Variants in DSCAM observed in about 807,000 individuals in gnomAD.
The protein encoded by DSCAM is DS cell adhesion molecule.
DSCAM carries 47 observed loss-of-function variants against 217.7 expected under a neutral mutation model. That is an observed-to-expected ratio of 0.22 (90% CI 0.17 to 0.28). The LOEUF (loss-of-function observed/expected upper bound fraction) is 0.28. Among genes scored for constraint, DSCAM ranks in the 10% least tolerant of loss-of-function variants. The pLI, the probability that DSCAM is intolerant of heterozygous loss-of-function variation, is 1.00. For missense variants in DSCAM, 2,080 were observed against 2,618.3 expected, an observed-to-expected ratio of 0.79 and a Z score of 4.49; for synonymous variants, 1,056 against 1,015.3, an observed-to-expected ratio of 1.04 and a Z score of -0.76.
intron 3 of DSCAM, among the ~76,000 whole-genome samples, chr21:40,593,479 C>A (rs2076998791): frequency 6.6e-6 from 1 of 152,106 alleles, no homozygotes; most frequent in Admixed American, 6.5e-5. Flanking sequence ...GCATGCTCCA[C>A]CACAACTGGT....
At chr21:40,160,441 C>G (rs1397532585) in intron 16 of DSCAM, among the ~76,000 whole-genome samples, 2 of 152,078 alleles carry the variant, frequency 1.3e-5, no homozygotes, top group Non-Finnish European at 2.9e-5. Flanking sequence ...TTTACATGTA[C>G]TTTTCAGTTT....
chr21:40,687,788 A>G (rs190201225), intron 3 of DSCAM, among the ~76,000 whole-genome samples: 1 of 152,290 alleles, frequency 6.6e-6, no homozygotes, highest in East Asian at 1.9e-4. Context: ...CTACTGCAGC[A>G]CTTAACACCC....
intron 1 of DSCAM, among the ~76,000 whole-genome samples, chr21:40,842,112 A>C (rs983730998): frequency 1.3e-5 from 2 of 152,118 alleles, no homozygotes; most frequent in Non-Finnish European, 2.9e-5. Context: ...TGGCTGCAAG[A>C]GTCTTGTGAG....
At chr21:40,255,892 A>G (rs1191715875) in intron 11 of DSCAM, among the ~76,000 whole-genome samples, 3 of 152,228 alleles carry the variant, frequency 2.0e-5, no homozygotes, top group Non-Finnish European at 4.4e-5. Context: ...ATTCTCTCCC[A>G]GGTCCTCCAG....
At chr21:40,526,083 T>G (rs981244053) in intron 3 of DSCAM, among the ~76,000 whole-genome samples, 2 of 152,170 alleles carry the variant, frequency 1.3e-5, no homozygotes, top group Non-Finnish European at 2.9e-5. Flanking sequence ...GGATACTTTC[T>G]GGGCCTGCCT....
At chr21:40,644,195 G>A (rs2205138) in intron 3 of DSCAM, among the ~76,000 whole-genome samples, 86,182 of 152,038 alleles carry the variant, frequency 0.57, 25,002 homozygotes, top group East Asian at 0.68. Flanking sequence ...AATGCTTTCT[G>A]AATGGATGGG....
At chr21:40,263,531 G>A (rs576694341) in intron 11 of DSCAM, among the ~76,000 whole-genome samples, 5 of 152,088 alleles carry the variant, frequency 3.3e-5, no homozygotes, top group African/African-American at 9.7e-5. Context: ...TGTGACACAA[G>A]TTATCAAAAT....
intron 8 of DSCAM, among the ~76,000 whole-genome samples, chr21:40,325,651 C>T (rs1353400247): frequency 6.6e-6 from 1 of 152,084 alleles, no homozygotes; most frequent in Non-Finnish European, 1.5e-5. Flanking sequence ...AGATGAAATC[C>T]TCAGACATCT....
chr21:40,117,277 C>T (rs1360427120), intron 20 of DSCAM, among the ~76,000 whole-genome samples: 2 of 152,162 alleles, frequency 1.3e-5, no homozygotes, highest in African/African-American at 4.8e-5. Flanking sequence ...CAGCACAATA[C>T]CAGGTTTGCC....
At chr21:40,436,349 T>C (rs1195371505) in intron 3 of DSCAM, among the ~76,000 whole-genome samples, 2 of 152,200 alleles carry the variant, frequency 1.3e-5, no homozygotes, top group East Asian at 3.8e-4. Flanking sequence ...ACTTGAACAG[T>C]ATTTTCGGGT....
chr21:40,737,579 T>C (rs1255742195), intron 1 of DSCAM, among the ~76,000 whole-genome samples: 1 of 152,178 alleles, frequency 6.6e-6, no homozygotes, highest in African/African-American at 2.4e-5. Flanking sequence ...GGGCAAAGGT[T>C]GCAGTGAGCC....
chr21:40,583,176 T>C (rs574192594), intron 3 of DSCAM, among the ~76,000 whole-genome samples: 2 of 152,160 alleles, frequency 1.3e-5, no homozygotes, highest in Non-Finnish European at 2.9e-5. Flanking sequence ...TTTATAAATG[T>C]AAGGCAAAAG....
intron 3 of DSCAM, among the ~76,000 whole-genome samples, chr21:40,577,108 TCATA>T (rs2076857608): frequency 1.3e-5 from 2 of 151,870 alleles, no homozygotes; most frequent in Admixed American, 1.3e-4. Context: ...ATCCATTCAT[TCATA>T]TATTATGAAC....
intron 3 of DSCAM, among the ~76,000 whole-genome samples, chr21:40,648,724 T>C (rs2089979669): frequency 6.6e-6 from 1 of 152,006 alleles, no homozygotes; most frequent in South Asian, 2.1e-4. Flanking sequence ...CCATTTTGAG[T>C]CCATAAAAAG....
intron 10 of DSCAM, among the ~76,000 whole-genome samples, chr21:40,280,181 CTT>C (rs3988427): frequency 2.2e-4 from 26 of 118,894 alleles, no homozygotes; most frequent in Non-Finnish European, 3.0e-4. Context: ...ATTTTGGTGC[CTT>C]TTTTTTTTTT....
chr21:40,683,992 C>T (rs924751433), intron 3 of DSCAM, among the ~76,000 whole-genome samples: 8 of 151,770 alleles, frequency 5.3e-5, no homozygotes, highest in Admixed American at 1.3e-4. Flanking sequence ...TTTGGGAGGC[C>T]GAGGCGGGCA....
At chr21:40,588,215 A>G (rs1416534110) in intron 3 of DSCAM, among the ~76,000 whole-genome samples, 1 of 152,048 alleles carries the variant, frequency 6.6e-6, no homozygotes, top group African/African-American at 2.4e-5. Context: ...ACTCACTTAC[A>G]ATTGCATTAC....
chr21:40,820,558 A>T (rs1399438963), intron 1 of DSCAM, among the ~76,000 whole-genome samples: 3 of 152,336 alleles, frequency 2.0e-5, no homozygotes, highest in South Asian at 4.1e-4. Context: ...GCAAACCACC[A>T]TGGCACATGT....
At chr21:40,512,012 T>TAAAAAAAAAAA (rs2076262879) in intron 3 of DSCAM, among the ~76,000 whole-genome samples, 1 of 57,732 alleles carries the variant, frequency 1.7e-5, no homozygotes, top group African/African-American at 8.3e-5. Context: ...AAAAAAAAAG[T>TAAAAAAAAAAA]ATTCTATTTG....
Sources: allele counts gnomAD v4.1 joint callset (sites outside exome capture counted in the v4.1 genomes callset), GRCh38; gene constraint gnomAD v4.1.1; transcripts MANE v1.5; gene names NCBI Gene and HGNC (gene_info 2026-07-23, HGNC 2026-07-21).